The following RNF212 variants were observed in gnomAD, a reference collection of about 807,000 sequenced individuals.
The protein encoded by RNF212 is ring finger protein 212.
Under a neutral mutation model 34.7 loss-of-function variants are expected in RNF212, and 33 were observed. That is an observed-to-expected ratio of 0.95 (90% CI 0.72 to 1.27). The LOEUF is 1.27. RNF212 is among the 50% of genes most tolerant of loss of function. The pLI is 0.00. For missense variants in RNF212, 377 were observed against 362.2 expected, an observed-to-expected ratio of 1.04 and a Z score of -0.33; for synonymous variants, 140 against 136.1, an observed-to-expected ratio of 1.03 and a Z score of -0.20.
intron 3 of RNF212, among the ~76,000 whole-genome samples, chr4:1,094,514 TA>T (rs1295133774): frequency 6.6e-6 from 1 of 151,870 alleles, no homozygotes; most frequent in Non-Finnish European, 1.5e-5. Context: ...CAGCAGCTGG[TA>T]AAAGCTGCCA....
chr4:1,063,540 A>C (rs4690347), intron 3 of RNF212, among the ~76,000 whole-genome samples: 2 of 151,620 alleles, frequency 1.3e-5, no homozygotes, highest in Admixed American at 1.3e-4. Flanking sequence ...GTGAAACCCC[A>C]TCTCTACAAA....
chr4:1,089,176 G>A (rs1400622090), intron 4 of RNF212, among the ~76,000 whole-genome samples: 4 of 152,220 alleles, frequency 2.6e-5, no homozygotes, highest in Non-Finnish European at 5.9e-5. Flanking sequence ...AGCCCAGAAA[G>A]CAGCCACTGG....
At chr4:1,099,847 G>C (rs1020782655) in intron 2 of RNF212, 4 of 456,272 alleles carry the variant, frequency 8.8e-6, no homozygotes, top group Non-Finnish European at 1.8e-5. Flanking sequence ...GGGTACCCCT[G>C]TGCGGGATCC....
intron 3 of RNF212, 183 bp downstream of exon 3, chr4:1,096,582 C>T: frequency 3.1e-6 from 2 of 644,524 alleles, no homozygotes; most frequent in Non-Finnish European, 5.5e-6. Context: ...ACTCCCACAG[C>T]TCCATGGTCT....
At chr4:1,111,595 T>C (rs1417750167) in intron 1 of RNF212, among the ~76,000 whole-genome samples, 2 of 152,190 alleles carry the variant, frequency 1.3e-5, no homozygotes, top group Admixed American at 1.3e-4. Flanking sequence ...CCTGAACCTA[T>C]CACTTCTCCC....
intron 3 of RNF212, among the ~76,000 whole-genome samples, chr4:1,059,217 G>C (rs2153031790): frequency 6.6e-6 from 1 of 152,346 alleles, no homozygotes; most frequent in East Asian, 1.9e-4. Flanking sequence ...CCCCCGACAG[G>C]GGTCTTGTCT....
Position 1,096,745 on chromosome 4 carries a change from C to G in RNF212, c.246+20G>C. On this transcript the variant is annotated intron_variant, in intron 3 of 9. Coordinates refer to ENST00000433731, the MANE Select transcript of RNF212 (RefSeq NM_001131034.4). Reference sequence around the variant, plus strand: ...GCACCTGGCTCATCACGGAACCAAGCCACACCCCTCACAGCTCACCTGGGA... The same window carrying G: ...GCACCTGGCTCATCACGGAACCAAGGCACACCCCTCACAGCTCACCTGGGA... 1 of 1,586,372 alleles carries G rather than the reference C, an allele frequency of 6.3e-7. No homozygotes were observed. Among genetic ancestry groups the G allele is most frequent in the East Asian group, 2.3e-5 (1 of 44,252 alleles).
At chr4:1,083,426 T>A (rs908558332) in intron 5 of RNF212, among the ~76,000 whole-genome samples, 1 of 152,148 alleles carries the variant, frequency 6.6e-6, no homozygotes, top group Non-Finnish European at 1.5e-5. Context: ...GCGGATCACC[T>A]GAGGTCAGGA....
chr4:1,094,089 C>G (rs1194001919), intron 3 of RNF212: 2 of 1,437,238 alleles, frequency 1.4e-6, no homozygotes, highest in East Asian at 2.5e-5. Flanking sequence ...TGGCTGACCA[C>G]AGCCTGAAGG....
In RNF212 at chr4:1,073,080, A is replaced by C; in HGVS notation, c.688T>G (p.Cys230Gly). 4 of 1,614,124 alleles carry C rather than the reference A, an allele frequency of 2.5e-6. No individual in the cohort carries two copies. The highest frequency in any genetic ancestry group is 3.3e-4 in the Middle Eastern group (2 of 6,062). ...RGSPCFCIDV[C>G]PHWLLLLAFS... is the part of the protein sequence containing the mutation. ...GCTAGGAGGAGCAGCCAGTGAGGAC[A>C]GACGTCTATGCAGAAACATGGTGAA... The change falls in exon 10 of 10, where the codon TGT becomes GGT. Residue 230 changes from cysteine (C) to glycine (G), a missense_variant. By Grantham distance (159) the Cys-to-Gly change is radical. Transcript: ENST00000433731.
At chr4:1,096,525 C>A (rs945114641) in intron 3 of RNF212, 1 of 477,724 alleles carries the variant, frequency 2.1e-6, no homozygotes, top group Non-Finnish European at 3.7e-6. Context: ...CCCCACAGCT[C>A]CACGGTCTCA....
At chr4:1,058,610 C>T (rs543699529) in intron 3 of RNF212, among the ~76,000 whole-genome samples, 5 of 152,160 alleles carry the variant, frequency 3.3e-5, no homozygotes, top group Non-Finnish European at 7.3e-5. Context: ...CCTGGGTCTT[C>T]CACATGAGGG....
chr4:1,097,822 T>C (rs1723296756), intron 2 of RNF212, among the ~76,000 whole-genome samples: 1 of 152,204 alleles, frequency 6.6e-6, no homozygotes, highest in South Asian at 2.1e-4. Context: ...CCCAGCACTT[T>C]GGGAGGCCAA....
rs533310511 is a variant in RNF212 at position 1,087,565 on chromosome 4, G to A, written c.304-1611C>T. ...AGGGGAGAGGCTGACAGGACAGGGT[G>A]GGTGTGACAGGAGCAGGGAGTGGGT... On this transcript the variant is annotated intron_variant, in intron 4 of 9. Coordinates refer to ENST00000433731, the MANE Select transcript of RNF212 (RefSeq NM_001131034.4). Among the ~76,000 whole-genome samples the A allele has an allele frequency of 4.7e-5, 7 of 150,132 alleles. No individual in the cohort carries two copies. The South Asian group carries it at 1.5e-3, about 32-fold the overall frequency.
In RNF212 at chr4:1,065,656, G is replaced by T. The variant is rs189143145; in HGVS notation, n.148-7263C>A. ...TAATTTTTTGTAGAGAGGGGGTTTT[G>T]CCCAGGCTGGTCTGGAACTCCTAGG... is the stretch of plus-strand genomic sequence containing the variant. On this transcript the variant is annotated intron_variant and non_coding_transcript_variant, in intron 3 of 4. Coordinates refer to the RNF212 transcript ENST00000503206. Among the ~76,000 whole-genome samples the T allele has an allele frequency of 8.2e-3, 1,242 of 152,174 alleles. 5 individuals carry two copies. Among genetic ancestry groups the T allele is most frequent in the Non-Finnish European group, 0.015 (988 of 67,998 alleles).
chr4:1,067,692 C>T (rs564600869), downstream of RNF212, among the ~76,000 whole-genome samples: 130 of 152,068 alleles, frequency 8.5e-4, no homozygotes, highest in South Asian at 4.4e-3. Context: ...TGGTGAACTC[C>T]GTCTCTACTA....
rs150070315 is a variant in RNF212 at position 1,083,672 on chromosome 4, A to T, written c.363-2053T>A. ...CAAACAAACAAACAAACAAACAAAC[A>T]AACTCAGTGGGGTTCACTGGCTTAA... On this transcript the variant is annotated intron_variant, in intron 5 of 9. Transcript: ENST00000433731. 5.0e-3 allele frequency among the ~76,000 whole-genome samples: 677 copies of T among 135,026 alleles called. 4 individuals are homozygous for T. The highest frequency in any genetic ancestry group is 8.5e-3 in the Non-Finnish European group (522 of 61,514). The allele number at this position is 135,026 out of a possible 152,430, so 88.6% of individuals were successfully genotyped here.
In RNF212 at chr4:1,071,504, G is replaced by C. The variant is rs191306553; in HGVS notation, c.*1370C>G. 3.9e-5 allele frequency: 6 copies of C among 152,210 alleles called. No individual in the cohort carries two copies. In the East Asian group the frequency reaches 5.8e-4, roughly 15 times the overall value. 9.4% of individuals were successfully genotyped at this position (152,210 alleles called of 1,614,324 possible). ...ATATTTTCAAGATACATATTTATCT[G>C]ATAAGGAAATGTCATCCAAAAAAAA... is the stretch of plus-strand genomic sequence containing the variant. On this transcript the variant is annotated 3_prime_UTR_variant, in exon 10 of 10. Transcript: ENST00000433731.
chr4:1,092,317 G>C (rs775650198), intron 3 of RNF212, among the ~76,000 whole-genome samples: 28 of 152,204 alleles, frequency 1.8e-4, no homozygotes, highest in Non-Finnish European at 3.1e-4. Context: ...TGGGCTGCAG[G>C]GAAAGTCTCC....
Sources: gnomAD v4.1 joint callset for allele counts (sites outside exome capture counted in the v4.1 genomes callset) on GRCh38, gnomAD v4.1.1 for gene constraint, MANE v1.5 for transcripts, NCBI Gene and HGNC (gene_info 2026-07-23, HGNC 2026-07-21) for gene names.